The following GNB1L variants were observed in gnomAD, a reference collection of about 807,000 sequenced individuals.
GNB1L encodes guanine nucleotide-binding protein subunit beta-like protein 1.
A neutral mutation model predicts 29.1 loss-of-function variants in GNB1L; 20 were observed. The observed-to-expected ratio is 0.69, with a 90% CI of 0.48 to 1.00. The LOEUF is 1.00. Ranked by LOEUF, GNB1L falls within the 50% of genes least tolerant of loss-of-function variation. GNB1L has a pLI of 0.00. For missense variants in GNB1L, 421 were observed against 464.9 expected, an observed-to-expected ratio of 0.91 and a Z score of 0.87; for synonymous variants, 193 against 206.5, an observed-to-expected ratio of 0.93 and a Z score of 0.56.
At chr22:19,815,820 CA>C (rs1937521758) in intron 4 of GNB1L, among the ~76,000 whole-genome samples, 2 of 152,154 alleles carry the variant, frequency 1.3e-5, no homozygotes, top group African/African-American at 4.8e-5. Context: ...GGCCCAAGCA[CA>C]CCTCAGCCTC....
chr22:19,817,393 A>G lies in GNB1L; in HGVS notation c.254+3205T>C, dbSNP rs566045660. 2.0e-5 allele frequency among the ~76,000 whole-genome samples: 3 copies of G among 152,280 alleles called. 1 individual carries two copies. Among genetic ancestry groups the G allele is most frequent in the Non-Finnish European group, 4.4e-5 (3 of 68,010 alleles). ...CTACTCGGGAGGCTGAGGCAGGAGA[A>G]TCACTTGAACCAGGGAGTCGGAGGT... On this transcript the variant is annotated intron_variant, in intron 4 of 7. Coordinates refer to ENST00000329517, the MANE Select transcript of GNB1L (RefSeq NM_053004.3).
At position 19,802,106 on chromosome 22, in the gene GNB1L, C is replaced by G. The variant is rs1352539551; in HGVS notation, c.627G>C (p.Glu209Asp). ...AGTCAAAGTCAAGGTCCATGACGGG[C>G]TCCTCATGGCAGGCGATGCGGCTGC... ...KVCSRIACHE[E>D]PVMDLDFDSQ... The change falls in exon 7 of 8, where the codon GAG becomes GAC. Residue 209 changes from glutamate to aspartate, a missense_variant. Coordinates refer to ENST00000329517, the MANE Select transcript of GNB1L (RefSeq NM_053004.3). 1 of 1,613,600 alleles carries G rather than the reference C, an allele frequency of 6.2e-7. No individual in the cohort carries two copies. Among genetic ancestry groups the G allele is most frequent in the Non-Finnish European group, 8.5e-7 (1 of 1,180,014 alleles).
chr22:19,825,011 TG>T (rs1937608881), intron 2 of GNB1L, among the ~76,000 whole-genome samples: 1 of 152,104 alleles, frequency 6.6e-6, no homozygotes, highest in Non-Finnish European at 1.5e-5. Flanking sequence ...TACCACGAAG[TG>T]AGCCAACGTG....
At chr22:19,790,476 A>G (rs972180783) in intron 7 of GNB1L, among the ~76,000 whole-genome samples, 7 of 152,130 alleles carry the variant, frequency 4.6e-5, no homozygotes, top group Non-Finnish European at 7.4e-5. Context: ...GTAGGTGCCT[A>G]TGTTTCCTTG....
Position 19,816,904 on chromosome 22 carries a change from T to C in GNB1L, c.254+3694A>G, listed in dbSNP as rs1288572002. The stretch of plus-strand genomic sequence containing the variant: ...ACACCACCCCCCCAACCCTGCTTCT[T>C]TGACTGCCTGGCACCCCCTTCCCAC... On this transcript the variant is annotated intron_variant, in intron 4 of 7. Coordinates refer to ENST00000329517, the MANE Select transcript of GNB1L (RefSeq NM_053004.3). The surrounding 1 kb of genome is among the most constrained non-coding windows in gnomAD (Gnocchi z 4.4). Among the ~76,000 whole-genome samples the C allele has an allele frequency of 6.6e-6, 1 of 152,160 alleles. No homozygotes were observed. The highest frequency in any genetic ancestry group is 2.4e-5 in the African/African-American group (1 of 41,428).
At chr22:19,852,089 A>G (rs1292512085) in intron 2 of GNB1L, 3 of 1,614,158 alleles carry the variant, frequency 1.9e-6, no homozygotes, top group Admixed American at 3.3e-5. Context: ...GGTCGTTCGC[A>G]CACACACGGT....
At chr22:19,829,714 T>C (rs1215139346) in intron 2 of GNB1L, among the ~76,000 whole-genome samples, 3 of 152,198 alleles carry the variant, frequency 2.0e-5, no homozygotes, top group Admixed American at 2.0e-4. Context: ...CCATATACTG[T>C]ATTAATAGAT....
chr22:19,831,114 G>A (rs1937673047), intron 2 of GNB1L, among the ~76,000 whole-genome samples: 1 of 152,194 alleles, frequency 6.6e-6, no homozygotes, highest in South Asian at 2.1e-4. Flanking sequence ...TACAACGCCT[G>A]TAATCCCAGC....
At chr22:19,797,168 C>T (rs1937315789) in intron 7 of GNB1L, among the ~76,000 whole-genome samples, 2 of 152,278 alleles carry the variant, frequency 1.3e-5, no homozygotes, top group Non-Finnish European at 2.9e-5. Flanking sequence ...CCCCCACCTC[C>T]ACCGCCCAAA....
At chr22:19,854,779 G>C (rs76204326) in intron 1 of GNB1L, 41 bp downstream of exon 1, 11,328 of 152,492 alleles carry the variant, frequency 0.074, 505 homozygotes, top group Middle Eastern at 0.13. Flanking sequence ...CGCGTGCACG[G>C]AGTTCAAGCC....
intron 2 of GNB1L, chr22:19,848,623 C>T (rs756352515): frequency 3.3e-5 from 33 of 985,378 alleles, no homozygotes; most frequent in African/African-American, 7.0e-5. Flanking sequence ...ATAAACAGGA[C>T]GCGTTTTAAT....
intron 2 of GNB1L, chr22:19,850,476 G>T: frequency 9.8e-7 from 1 of 1,015,342 alleles, no homozygotes; most frequent in African/African-American, 1.7e-5. Flanking sequence ...GAGCTACAGT[G>T]TTAACACACA....
At chr22:19,846,448 TGG>T in intron 2 of GNB1L, 3 of 985,328 alleles carry the variant, frequency 3.0e-6, no homozygotes, top group Non-Finnish European at 3.6e-6. Context: ...CTCCTCAGTA[TGG>T]GCCCCAGAAC....
chr22:19,818,986 CCT>C (rs1039545327), intron 4 of GNB1L, among the ~76,000 whole-genome samples: 5 of 152,218 alleles, frequency 3.3e-5, no homozygotes, highest in African/African-American at 9.6e-5. Flanking sequence ...CGCACCTGCC[CCT>C]GTCTGCTGCT....
At chr22:19,846,112 T>C (rs948093845) in intron 2 of GNB1L, 3 of 151,112 alleles carry the variant, frequency 2.0e-5, no homozygotes, top group Admixed American at 1.3e-4. Flanking sequence ...TAATAGGTTA[T>C]GCTGTGGAAA....
At chr22:19,851,342 G>C in intron 2 of GNB1L, 2 of 1,614,138 alleles carry the variant, frequency 1.2e-6, no homozygotes, top group Non-Finnish European at 8.5e-7. Context: ...AGGAGGATTA[G>C]CTGACTCCGA....
At chr22:19,834,415 C>T (rs1937729923) in intron 2 of GNB1L, among the ~76,000 whole-genome samples, 1 of 152,124 alleles carries the variant, frequency 6.6e-6, no homozygotes, top group African/African-American at 2.4e-5. Flanking sequence ...GTTCAAAAGA[C>T]ATGATACCAG....
chr22:19,823,095 G>A (rs1937592021), intron 2 of GNB1L, among the ~76,000 whole-genome samples: 1 of 152,190 alleles, frequency 6.6e-6, no homozygotes, highest in Non-Finnish European at 1.5e-5. Flanking sequence ...GAGACCTCGG[G>A]CAGCCACTCT....
Position 19,806,738 on chromosome 22 carries a change from G to C in GNB1L, c.437C>G (p.Pro146Arg). The C allele has an allele frequency of 6.2e-7, 1 of 1,612,732 alleles. No homozygotes were observed. The highest frequency in any genetic ancestry group is 8.5e-7 in the Non-Finnish European group (1 of 1,178,942). ...GSDEVQILEM[P>R]SKTSVCALKP... is the part of the protein sequence containing the mutation. ...CAGGGCGCACACTGACGTCTTGGAG[G>C]GCATCTCCAGAATCTGAACCTGACA... Residue 146 changes from proline to arginine, a missense_variant, in exon 6 of 8, where the codon CCC becomes CGC. Coordinates refer to ENST00000329517, the MANE Select transcript of GNB1L (RefSeq NM_053004.3).
Sources: allele counts gnomAD v4.1 joint callset (sites outside exome capture counted in the v4.1 genomes callset), GRCh38; gene constraint gnomAD v4.1.1; non-coding constraint Gnocchi (gnomAD v3.1); transcripts MANE v1.5; gene names NCBI Gene and HGNC (gene_info 2026-07-23, HGNC 2026-07-21).